DSC3: variants seen among roughly 807,000 people sequenced by gnomAD.
The protein encoded by DSC3 is desmocollin-3.
DSC3 carries 97 observed loss-of-function variants against 89.5 expected under a neutral mutation model. The ratio of observed to expected loss-of-function variants is 1.08; its 90% CI spans 0.92 to 1.28. The LOEUF is 1.28. DSC3 is among the 50% of genes most tolerant of loss of function. DSC3 has a pLI of 0.00. For missense variants in DSC3, 1,199 were observed against 1,085.3 expected, an observed-to-expected ratio of 1.10 and a Z score of -1.47; for synonymous variants, 436 against 384.1, an observed-to-expected ratio of 1.14 and a Z score of -1.58.
intron 15 of DSC3, 87 bp downstream of exon 15, chr18:30,996,704 T>C: frequency 6.5e-7 from 1 of 1,543,390 alleles, no homozygotes; most frequent in Non-Finnish European, 8.8e-7. Flanking sequence ...CACAGAAAAA[T>C]ACAGAAAATA....
intron 9 of DSC3, among the ~76,000 whole-genome samples, chr18:31,012,726 A>G (rs1985112018): frequency 1.3e-5 from 2 of 152,230 alleles, no homozygotes; most frequent in Admixed American, 1.3e-4. Context: ...AAGGAAATAA[A>G]TTAGTTTTAT....
chr18:31,039,313 C>T (rs1986063928), intron 1 of DSC3, among the ~76,000 whole-genome samples: 1 of 152,106 alleles, frequency 6.6e-6, no homozygotes, highest in African/African-American at 2.4e-5. Flanking sequence ...GCAGTTGTTT[C>T]ACTTTCATGC....
chr18:30,997,178 T>C, intron 14 of DSC3, 130 bp from the exon 15 acceptor site: 2 of 1,182,262 alleles, frequency 1.7e-6, no homozygotes, highest in Non-Finnish European at 2.4e-6. Context: ...AACAGACATT[T>C]ATCAGTTTCT....
At chr18:31,041,488 C>T (rs1193876888) in intron 1 of DSC3, among the ~76,000 whole-genome samples, 3 of 152,192 alleles carry the variant, frequency 2.0e-5, no homozygotes, top group Non-Finnish European at 2.9e-5. Flanking sequence ...CCCACTCCCA[C>T]TTGCCAGGGT....
In DSC3 at chr18:31,025,959, C is replaced by T. The variant is rs773235933; in HGVS notation, c.475-44G>A. 23 of 1,548,658 alleles carry T rather than the reference C, an allele frequency of 1.5e-5. No homozygotes were observed. In the Admixed American group the frequency reaches 4.0e-4, roughly 27 times the overall value. On this transcript the variant is annotated intron_variant, in intron 4 of 15. Coordinates refer to ENST00000360428, the MANE Select transcript of DSC3 (RefSeq NM_001941.5). ...TATGCAAAAAAATTAAAACTAAATT[C>T]AGTTACAATATTTTTTAAATGCAGC...
intron 14 of DSC3, among the ~76,000 whole-genome samples, chr18:30,999,889 AAC>A (rs1265260682): frequency 2.6e-5 from 4 of 152,168 alleles, no homozygotes; most frequent in African/African-American, 9.7e-5. Flanking sequence ...AAGTGTTCCT[AAC>A]ACAGAACAGG....
intron 1 of DSC3, among the ~76,000 whole-genome samples, chr18:31,036,798 C>CTTTTTTTTTTTTTTTTTTTTTTTTTT (rs775187201): frequency 6.5e-5 from 7 of 107,436 alleles, no homozygotes; most frequent in Admixed American, 1.0e-4. Context: ...TTCTTTCTTC[C>CTTTTTTTTTTTTTTTTTTTTTTTTTT]TTTTTTTTTT....
At chr18:31,022,651 G>T in intron 6 of DSC3, 149 bp from the exon 7 acceptor site, 1 of 965,174 alleles carries the variant, frequency 1.0e-6, no homozygotes, top group Non-Finnish European at 1.6e-6. Flanking sequence ...TCTTTAGATA[G>T]GACTGAAGAG....
chr18:31,025,946 T>A (rs971007510), intron 4 of DSC3, 31 bp from the exon 5 acceptor site: 3 of 1,591,824 alleles, frequency 1.9e-6, no homozygotes, highest in Non-Finnish European at 2.6e-6. Flanking sequence ...TGCAAAAAAA[T>A]TAAAACTAAA....
chr18:31,022,036 T>C (rs1444143451), intron 7 of DSC3, among the ~76,000 whole-genome samples: 2 of 151,988 alleles, frequency 1.3e-5, no homozygotes, highest in Non-Finnish European at 2.9e-5. Flanking sequence ...TACATGAAAA[T>C]TGAAACCTTT....
rs1473840117 is a variant in DSC3, at chr18:31,031,064, G to C, written c.263C>G (p.Ser88Cys). 2.5e-6 allele frequency: 4 copies of C among 1,613,822 alleles called. No homozygotes were observed. The highest frequency in any genetic ancestry group is 1.7e-5 in the Admixed American group (1 of 59,992). Residue 88 changes from serine to cysteine, a missense_variant, in exon 3 of 16, where the codon TCT becomes TGT. Transcript: ENST00000360428. ...TATGGTAAATGATCTTTTCTTATCA[G>C]ACAGCGCAACAGCCCTGGCTGTGTA... The part of the protein sequence containing the change: ...SVYTARAVAL[S>C]DKKRSFTIWL...
In DSC3 at chr18:30,995,971, TAAAAAA is replaced by T. The variant is rs1196444633; in HGVS notation, c.2493+814_2493+819del. Among the ~76,000 whole-genome samples the T allele has an allele frequency of 1.2e-3, 45 of 37,014 alleles. 1 individual carries two copies. Among genetic ancestry groups the T allele is most frequent in the East Asian group, 9.2e-3 (10 of 1,086 alleles). The allele number at this position is 37,014 out of a possible 152,430, so 24.3% of individuals were successfully genotyped here. A position where few individuals can be genotyped will look rare whatever the true frequency, so the allele number is the denominator to read the frequency against. On this transcript the variant is annotated intron_variant, in intron 15 of 15. Coordinates refer to ENST00000360428, the MANE Select transcript of DSC3 (RefSeq NM_001941.5). ...TCAGCGACAGAGCAAGACCCTGCCT[TAAAAAA>T]AAAAAAAAAAAAAAAAAAAAAAGAA...
intron 14 of DSC3, among the ~76,000 whole-genome samples, chr18:31,000,044 C>T (rs1984600734): frequency 6.6e-6 from 1 of 151,938 alleles, no homozygotes; most frequent in Non-Finnish European, 1.5e-5. Flanking sequence ...GGGATTAAAC[C>T]TGCTTTCTCG....
intron 13 of DSC3, among the ~76,000 whole-genome samples, chr18:31,002,676 G>C (rs1233528203): frequency 6.8e-6 from 1 of 146,694 alleles, no homozygotes; most frequent in Admixed American, 6.8e-5. Flanking sequence ...CTCCAGCCTG[G>C]GCAACAAGAG....
chr18:31,019,899 T>C (rs896303357), intron 7 of DSC3, among the ~76,000 whole-genome samples: 21 of 151,912 alleles, frequency 1.4e-4, no homozygotes, highest in African/African-American at 4.8e-4. Flanking sequence ...TAGAATGGAG[T>C]AGGACTTAAC....
intron 4 of DSC3, among the ~76,000 whole-genome samples, chr18:31,029,057 A>G (rs1477500419): frequency 1.3e-5 from 2 of 152,034 alleles, no homozygotes; most frequent in Admixed American, 1.3e-4. Context: ...GCTTTTTACC[A>G]CCTTACCTCA....
chr18:31,029,475 AAAGCAACCCTGACC>A lies in DSC3; in HGVS notation c.474+20_474+33del. ...CTCAATGAAACAGACTCTTAGAATT[AAAGCAACCCTGACC>A]AGAAAAGGTGTAAACCTACTTGTTG... On this transcript the variant is annotated intron_variant, in intron 4 of 15. Transcript: ENST00000360428. 6.2e-7 allele frequency: 1 copy of A among 1,612,964 alleles called. No individual in the cohort carries two copies. The highest frequency in any genetic ancestry group is 8.5e-7 in the Non-Finnish European group (1 of 1,179,086).
chr18:31,042,168 G>A (rs1481155806), intron 1 of DSC3, among the ~76,000 whole-genome samples: 1 of 152,078 alleles, frequency 6.6e-6, no homozygotes, highest in Non-Finnish European at 1.5e-5. Flanking sequence ...GCTGGGGAGG[G>A]GGCAGCCCCT....
chr18:31,042,270 TG>T, intron 1 of DSC3, among the ~76,000 whole-genome samples: 1 of 152,216 alleles, frequency 6.6e-6, no homozygotes, highest in Non-Finnish European at 1.5e-5. Context: ...CTCCACCACC[TG>T]GGGAGAAGCG....
Sources: allele counts gnomAD v4.1 joint callset (sites outside exome capture counted in the v4.1 genomes callset), GRCh38; gene constraint gnomAD v4.1.1; transcripts MANE v1.5; gene names NCBI Gene and HGNC (gene_info 2026-07-23, HGNC 2026-07-21).